The following LDLRAD4 variants were observed in gnomAD, a reference collection of about 807,000 sequenced individuals.
LDLRAD4 encodes the protein low density lipoprotein receptor class A domain containing 4, also known as low-density lipoprotein receptor class A domain-containing protein 4.
A neutral mutation model predicts 17.0 loss-of-function variants in LDLRAD4; 5 were observed. That is an observed-to-expected ratio of 0.29 (90% CI 0.15 to 0.62). The LOEUF is 0.62. LDLRAD4 is among the 20% of genes least tolerant of loss of function. The pLI is 0.84. For missense variants in LDLRAD4, 340 were observed against 424.7 expected (o/e 0.80, Z 1.75); for synonymous variants, 168 against 171.8 (o/e 0.98, Z 0.17).
chr18:13,539,076 CA>C, intron 3 of LDLRAD4, among the ~76,000 whole-genome samples: 1 of 152,304 alleles, frequency 6.6e-6, no homozygotes, highest in East Asian at 1.9e-4. Flanking sequence ...AAAGAAAAAA[CA>C]GAGAAGTAGT....
At chr18:13,368,515 C>T (rs1414873674) in intron 1 of LDLRAD4, among the ~76,000 whole-genome samples, 1 of 152,142 alleles carries the variant, frequency 6.6e-6, no homozygotes, top group East Asian at 1.9e-4. Flanking sequence ...AGGCATAAAG[C>T]AGCTTTCCCA....
chr18:13,453,393 A>G (rs1214904264), intron 3 of LDLRAD4, among the ~76,000 whole-genome samples: 1 of 152,102 alleles, frequency 6.6e-6, no homozygotes, highest in East Asian at 1.9e-4. Context: ...CACTTTTTGT[A>G]TCACAGGAAT....
intron 2 of LDLRAD4, among the ~76,000 whole-genome samples, chr18:13,402,145 C>G (rs1450324007): frequency 6.6e-6 from 1 of 152,202 alleles, no homozygotes; most frequent in Non-Finnish European, 1.5e-5. Context: ...GAACCAACAA[C>G]GTGCTTTTCC....
intron 3 of LDLRAD4, among the ~76,000 whole-genome samples, chr18:13,457,590 G>A (rs962213423): frequency 2.6e-5 from 4 of 152,202 alleles, no homozygotes; most frequent in Non-Finnish European, 5.9e-5. Context: ...GGGAAGTTCT[G>A]TTTCCTGAGG....
At chr18:13,387,445 TCTGAGGGC>T (rs1249475362) in exon 2 of LDLRAD4, 1 of 380,244 alleles carries the variant, frequency 2.6e-6, no homozygotes, top group African/African-American at 2.2e-5. Flanking sequence ...GCGCCCGTGT[TCTGAGGGC>T]CTGAGGGCCA....
chr18:13,450,337 C>CCCCCCCA lies in LDLRAD4; in HGVS notation c.181+11953_181+11954insCCCCCCA, dbSNP rs367571092. Among the ~76,000 whole-genome samples, 92 of 115,568 alleles carry CCCCCCCA rather than the reference C, an allele frequency of 8.0e-4. 4 individuals are homozygous for CCCCCCCA. The highest frequency in any genetic ancestry group is 1.3e-3 in the Non-Finnish European group (70 of 53,302). 75.8% of individuals were successfully genotyped at this position (115,568 alleles called of 152,430 possible). On this transcript the variant is annotated intron_variant, in intron 3 of 5. Transcript: ENST00000359446. ...GCTTCTCTCCCCCCACCCCCCCCCC[C>CCCCCCCA]AAAAAAACACACAAGATCCCAAGAC...
intron 1 of LDLRAD4, among the ~76,000 whole-genome samples, chr18:13,360,484 G>GCCCCATTA (rs199517925): frequency 0.014 from 2,145 of 152,294 alleles, 34 homozygotes; most frequent in Middle Eastern, 0.034. Flanking sequence ...TTGCCTGGTG[G>GCCCCATTA]CAGATATCAA....
chr18:13,380,290 G>A (rs1195260267), intron 1 of LDLRAD4, among the ~76,000 whole-genome samples: 1 of 152,170 alleles, frequency 6.6e-6, no homozygotes, highest in Admixed American at 6.5e-5. Flanking sequence ...GATTCCCAGC[G>A]AGCGGCTGGT....
intron 3 of LDLRAD4, chr18:13,461,443 AGGGTGTCCT>A (rs1049460062): frequency 1.8e-4 from 27 of 152,242 alleles, no homozygotes; most frequent in African/African-American, 5.3e-4. Context: ...TTACTGGTTG[AGGGTGTCCT>A]GGTCCTTGGC....
chr18:13,316,995 A>G (rs2080968657), intron 1 of LDLRAD4, among the ~76,000 whole-genome samples: 1 of 152,212 alleles, frequency 6.6e-6, no homozygotes, highest in Admixed American at 6.5e-5. Flanking sequence ...TGTCAAACTG[A>G]ATATTTAAAA....
At chr18:13,286,069 G>A (rs2146331614) in intron 1 of LDLRAD4, among the ~76,000 whole-genome samples, 1 of 152,250 alleles carries the variant, frequency 6.6e-6, no homozygotes, top group Admixed American at 6.5e-5. Flanking sequence ...CCAAAACTGT[G>A]TACCCATTAA....
At chr18:13,286,480 T>C (rs1401850421) in intron 1 of LDLRAD4, among the ~76,000 whole-genome samples, 1 of 152,238 alleles carries the variant, frequency 6.6e-6, no homozygotes, top group Non-Finnish European at 1.5e-5. Context: ...CAAGCAATCT[T>C]CCTGCCTCAG....
chr18:13,531,743 A>G (rs993115572), intron 3 of LDLRAD4, among the ~76,000 whole-genome samples: 4 of 152,046 alleles, frequency 2.6e-5, no homozygotes, highest in Non-Finnish European at 5.9e-5. Flanking sequence ...CTCCTTTAGT[A>G]GGAAATGGAG....
intron 3 of LDLRAD4, among the ~76,000 whole-genome samples, chr18:13,610,533 C>T (rs911685510): frequency 1.3e-4 from 19 of 151,948 alleles, no homozygotes; most frequent in Admixed American, 3.9e-4. Flanking sequence ...GTGATCCGCC[C>T]ACCTCGGCCT....
intron 2 of LDLRAD4, among the ~76,000 whole-genome samples, chr18:13,426,838 G>A (rs754343931): frequency 9.2e-5 from 14 of 152,210 alleles, no homozygotes; most frequent in Admixed American, 2.0e-4. Flanking sequence ...GAAGAATACA[G>A]GGAACATGGG....
At chr18:13,262,085 C>T (rs1173187931) in intron 1 of LDLRAD4, among the ~76,000 whole-genome samples, 3 of 112,710 alleles carry the variant, frequency 2.7e-5, no homozygotes, top group African/African-American at 6.4e-5. Context: ...AACTGAGTCC[C>T]GTGTGGCTCT....
At chr18:13,348,874 G>T (rs1284115131) in intron 1 of LDLRAD4, among the ~76,000 whole-genome samples, 1 of 152,182 alleles carries the variant, frequency 6.6e-6, no homozygotes, top group Non-Finnish European at 1.5e-5. Context: ...TCCGAGCCAG[G>T]CACGGGATAT....
intron 4 of LDLRAD4, among the ~76,000 whole-genome samples, chr18:13,625,095 C>A (rs781390852): frequency 8.5e-5 from 13 of 152,352 alleles, no homozygotes; most frequent in Admixed American, 1.3e-4. Flanking sequence ...CTCCTGTCCC[C>A]TCTGTGGAGC....
At chr18:13,417,686 G>A (rs561787853) in intron 2 of LDLRAD4, among the ~76,000 whole-genome samples, 3 of 152,064 alleles carry the variant, frequency 2.0e-5, no homozygotes, top group Non-Finnish European at 2.9e-5. Context: ...CGCCCATCTC[G>A]GCCTCCCAAA....
Sources: allele counts gnomAD v4.1 joint callset (sites outside exome capture counted in the v4.1 genomes callset), GRCh38; gene constraint gnomAD v4.1.1; transcripts MANE v1.5; gene names NCBI Gene and HGNC (gene_info 2026-07-23, HGNC 2026-07-21).